Variants in LMO4 observed in about 807,000 individuals in gnomAD.
The protein encoded by LMO4 is LIM domain transcription factor LMO4.
A neutral mutation model predicts 18.5 loss-of-function variants in LMO4; 3 were observed. The ratio of observed to expected loss-of-function variants is 0.16; its 90% CI spans 0.07 to 0.42. LMO4 has a LOEUF of 0.42. Ranked by LOEUF, LMO4 falls within the 10% of genes least tolerant of loss-of-function variation. The pLI, the probability that LMO4 is intolerant of heterozygous loss-of-function variation, is 0.99. For missense variants in LMO4, 121 were observed against 219.9 expected (o/e 0.55, Z 2.84); for synonymous variants, 100 against 88.1 (o/e 1.14, Z -0.76).
At chr1:87,342,716 C>T (rs1650530753) in intron 4 of LMO4, among the ~76,000 whole-genome samples, 2 of 152,060 alleles carry the variant, frequency 1.3e-5, no homozygotes, top group African/African-American at 4.8e-5. Flanking sequence ...ACCATGAGCA[C>T]GGTCAATTCA....
rs1650608388 is a variant in LMO4, at chr1:87,345,789, AG to A, written c.*996del. 1 of 152,202 alleles carries A rather than the reference AG, an allele frequency of 6.6e-6. No individual in the cohort carries two copies. The highest frequency in any genetic ancestry group is 1.5e-5 in the Non-Finnish European group (1 of 68,030). 9.4% of individuals were successfully genotyped at this position (152,202 alleles called of 1,614,324 possible). The stretch of plus-strand genomic sequence containing the variant: ...GCAGGGGTACAAAGTAGTTTCTAAC[AG>A]GGTCCTTTCTATAAGTCAAGAATAT... On this transcript the variant is annotated 3_prime_UTR_variant, in exon 5 of 5. Transcript: ENST00000370544.
intron 2 of LMO4, 29 bp from the exon 3 acceptor site, chr1:87,339,507 C>T: frequency 6.6e-7 from 1 of 1,516,656 alleles, no homozygotes; most frequent in Non-Finnish European, 9.2e-7. Context: ...GGATTATTCA[C>T]TGGTGTCAAC....
chr1:87,330,813 T>C (rs1650117644), intron 1 of LMO4, among the ~76,000 whole-genome samples: 1 of 152,164 alleles, frequency 6.6e-6, no homozygotes, highest in Non-Finnish European at 1.5e-5. Flanking sequence ...AACTTGATCT[T>C]TTTACAGAAT....
chr1:87,342,963 C>G (rs528243413), intron 4 of LMO4, among the ~76,000 whole-genome samples: 34 of 152,284 alleles, frequency 2.2e-4, no homozygotes, highest in Admixed American at 1.6e-3. Flanking sequence ...TTTCTCCTCT[C>G]TCGTTCTCCA....
In LMO4 at chr1:87,347,569, C is replaced by T. The variant is rs542862858; in HGVS notation, c.*2773C>T. On this transcript the variant is annotated 3_prime_UTR_variant, in exon 5 of 5. Transcript: ENST00000370544. ...TAGAAAGGACTTATTTAATATTAACCACGTCATAGAGCAAGATGGCCCCCA... is the reference window on the plus strand; with the variant it reads ...TAGAAAGGACTTATTTAATATTAACTACGTCATAGAGCAAGATGGCCCCCA... 9 of 151,932 alleles carry T rather than the reference C, an allele frequency of 5.9e-5. No individual in the cohort carries two copies. The highest frequency in any genetic ancestry group is 5.9e-4 in the Admixed American group (9 of 15,278). 9.4% of individuals were successfully genotyped at this position (151,932 alleles called of 1,614,324 possible). A position where few individuals can be genotyped will look rare whatever the true frequency, so the allele number is the denominator to read the frequency against.
intron 1 of LMO4, 137 bp from the exon 2 acceptor site, chr1:87,331,876 C>G (rs911836173): frequency 3.0e-6 from 2 of 674,936 alleles, no homozygotes; most frequent in Non-Finnish European, 5.0e-6. Context: ...GCCTCCTTCC[C>G]GCCCTTGCCC....
chr1:87,329,040 C>A lies in LMO4; in HGVS notation c.-208C>A, dbSNP rs966065809. ...GGCCGCCCGGCACTTACGCGGGGGC[C>A]CCCCAACCCGCCCCAGAGCAACGCG... On this transcript the variant is annotated 5_prime_UTR_variant, in exon 1 of 5. Coordinates refer to ENST00000370544, the MANE Select transcript of LMO4 (RefSeq NM_006769.4). 6.6e-6 allele frequency: 1 copy of A among 151,454 alleles called. No individual in the cohort carries two copies. Among genetic ancestry groups the A allele is most frequent in the Non-Finnish European group, 1.5e-5 (1 of 67,904 alleles). 9.4% of individuals were successfully genotyped at this position (151,454 alleles called of 1,614,324 possible). A position where few individuals can be genotyped will look rare whatever the true frequency, so the allele number is the denominator to read the frequency against.
intron 4 of LMO4, among the ~76,000 whole-genome samples, chr1:87,344,066 A>T (rs6660709): frequency 0.15 from 22,170 of 152,182 alleles, 2,560 homozygotes; most frequent in African/African-American, 0.32. Flanking sequence ...CATGTATTGA[A>T]TCACATATTT....
At chr1:87,341,402 T>C (rs950860869) in intron 4 of LMO4, among the ~76,000 whole-genome samples, 4 of 152,270 alleles carry the variant, frequency 2.6e-5, no homozygotes, top group Non-Finnish European at 5.9e-5. Context: ...GGTAATTCTT[T>C]ATGGATTTAC....
rs1650601975 is a variant in LMO4 at position 87,345,509 on chromosome 1, A to G, written c.*713A>G. 6.6e-6 allele frequency: 1 copy of G among 152,062 alleles called. No individual in the cohort carries two copies. Among genetic ancestry groups the G allele is most frequent in the African/African-American group, 2.4e-5 (1 of 41,418 alleles). 9.4% of individuals were successfully genotyped at this position (152,062 alleles called of 1,614,324 possible). On this transcript the variant is annotated 3_prime_UTR_variant, in exon 5 of 5. Transcript: ENST00000370544. ...GAATGAAGAAAAAAAAAAATCTTTT[A>G]TTTGTGATATTTTCAGAGACATTTG...
intron 2 of LMO4, among the ~76,000 whole-genome samples, chr1:87,334,981 C>G (rs1218975756): frequency 7.4e-6 from 1 of 135,822 alleles, no homozygotes; most frequent in Non-Finnish European, 1.5e-5. Flanking sequence ...AGCTGCGTCG[C>G]AAACAAAACA....
intron 3 of LMO4, 112 bp downstream of exon 3, chr1:87,339,744 T>C: frequency 1.4e-6 from 1 of 733,210 alleles, no homozygotes; most frequent in Non-Finnish European, 2.3e-6. Context: ...CTGCAGACAC[T>C]TGAAGGAATG....
rs1650586381 is a variant in LMO4, at chr1:87,344,909, C to T, written c.*113C>T. ...TTTGTAGCTAGCACCAGTGCCAGCT[C>T]CATGCCATTGCACCTTCTTTAGTCT... On this transcript the variant is annotated 3_prime_UTR_variant, in exon 5 of 5. Coordinates refer to ENST00000370544, the MANE Select transcript of LMO4 (RefSeq NM_006769.4). 7 of 986,252 alleles carry T rather than the reference C, an allele frequency of 7.1e-6. No homozygotes were observed. Among genetic ancestry groups the T allele is most frequent in the East Asian group, 2.4e-5 (1 of 41,236 alleles). 61.1% of individuals were successfully genotyped at this position (986,252 alleles called of 1,614,324 possible). A position where few individuals can be genotyped will look rare whatever the true frequency, so the allele number is the denominator to read the frequency against.
rs1650582122 is a variant in LMO4 at position 87,344,727 on chromosome 1, T to G, written c.490-61T>G. ...TGGGGAAGACAAAAGCAGTCATGTT[T>G]GAGTTTAATATCTCTCAAATTTAGC... On this transcript the variant is annotated intron_variant, in intron 4 of 4. Transcript: ENST00000370544. 6 of 1,555,558 alleles carry G rather than the reference T, an allele frequency of 3.9e-6. No individual in the cohort carries two copies. The Admixed American group carries it at 8.4e-5, about 22-fold the overall frequency.
In LMO4 at chr1:87,332,180, G is replaced by T; in HGVS notation, c.165G>T (p.Ala55=). The change falls in exon 2 of 5, where the codon GCG becomes GCT. Residue 55 remains alanine (A), a synonymous_variant. Coordinates refer to ENST00000370544, the MANE Select transcript of LMO4 (RefSeq NM_006769.4). The stretch of plus-strand genomic sequence containing the variant: ...GCCTCAAGTGCTCCTGCTGCCAGGC[G>T]CAGCTGGGCGACATCGGCACGTCCT... ...SRCLKCSCCQ[A]QLGDIGTSCY... is the part of the protein sequence containing the mutation. 6.2e-7 allele frequency: 1 copy of T among 1,614,238 alleles called. No homozygotes were observed. The highest frequency in any genetic ancestry group is 8.5e-7 in the Non-Finnish European group (1 of 1,180,044).
At chr1:87,332,289 A>G (rs747424907) in intron 2 of LMO4, 38 bp downstream of exon 2, 1 of 1,511,122 alleles carries the variant, frequency 6.6e-7, no homozygotes, top group Admixed American at 1.7e-5. Flanking sequence ...TGGGGGGAAG[A>G]GCAATGGCAA....
At chr1:87,341,578 A>G (rs1170698981) in intron 4 of LMO4, among the ~76,000 whole-genome samples, 3 of 152,146 alleles carry the variant, frequency 2.0e-5, no homozygotes, top group Non-Finnish European at 4.4e-5. Flanking sequence ...TTTGACAAAT[A>G]TTTGAAAACT....
At chr1:87,341,593 A>G (rs1419007209) in intron 4 of LMO4, among the ~76,000 whole-genome samples, 1 of 152,154 alleles carries the variant, frequency 6.6e-6, no homozygotes, top group Non-Finnish European at 1.5e-5. Context: ...AAAACTTTTA[A>G]CCATTAAAAT....
rs1467550514 is a variant in LMO4, at chr1:87,328,911, CGCCGCGCCTGAA to C, written c.-328_-317del. The C allele has an allele frequency of 1.3e-5, 2 of 152,372 alleles. No individual in the cohort carries two copies. The highest frequency in any genetic ancestry group is 2.9e-5 in the Non-Finnish European group (2 of 68,010). The allele number at this position is 152,372 out of a possible 1,614,324, so 9.4% of individuals were successfully genotyped here. On this transcript the variant is annotated 5_prime_UTR_variant, in exon 1 of 5. Transcript: ENST00000370544. ...GCGATTGCAGCAGTTGCTGCCGCTG[CGCCGCGCCTGAA>C]GCCGCGCCGCGCGGGCCGAGGGCTC...
Sources: gnomAD v4.1 joint callset for allele counts (sites outside exome capture counted in the v4.1 genomes callset) on GRCh38, gnomAD v4.1.1 for gene constraint, MANE v1.5 for transcripts, NCBI Gene and HGNC (gene_info 2026-07-23, HGNC 2026-07-21) for gene names.